Variants in COL25A1 observed in about 807,000 individuals in gnomAD.
The protein encoded by COL25A1 is collagen type XXV alpha 1 chain.
COL25A1 carries 103 observed loss-of-function variants against 128.4 expected under a neutral mutation model. The ratio of observed to expected loss-of-function variants is 0.80; its 90% CI spans 0.68 to 0.94. The LOEUF (loss-of-function observed/expected upper bound fraction) is 0.94. Among genes scored for constraint, COL25A1 ranks in the 40% least tolerant of loss-of-function variants. COL25A1 has a pLI of 0.00. For missense variants in COL25A1, 745 were observed against 840.0 expected (o/e 0.89, Z 1.40); for synonymous variants, 279 against 277.2 (o/e 1.01, Z -0.06).
intron 3 of COL25A1, among the ~76,000 whole-genome samples, chr4:109,234,944 G>A (rs942043148): frequency 4.6e-5 from 7 of 151,894 alleles, no homozygotes; most frequent in Non-Finnish European, 7.4e-5. Flanking sequence ...TGTATTGTAC[G>A]CAAATCTGTG....
At chr4:109,212,445 A>T (rs1003942333) in intron 3 of COL25A1, among the ~76,000 whole-genome samples, 1 of 152,190 alleles carries the variant, frequency 6.6e-6, no homozygotes, top group African/African-American at 2.4e-5. Context: ...TCCAAGAGCA[A>T]GCATTCTAAA....
chr4:109,045,809 T>C (rs1760375348), intron 5 of COL25A1, among the ~76,000 whole-genome samples: 1 of 152,224 alleles, frequency 6.6e-6, no homozygotes, highest in Non-Finnish European at 1.5e-5. Context: ...TTATACTTTA[T>C]TTCTTGGATT....
At chr4:109,056,498 A>C (rs2125954490) in intron 3 of COL25A1, among the ~76,000 whole-genome samples, 1 of 152,298 alleles carries the variant, frequency 6.6e-6, no homozygotes, top group Non-Finnish European at 1.5e-5. Flanking sequence ...CCTTTCACAA[A>C]TATGCTTATT....
At chr4:109,202,361 G>C (rs2126183110) in intron 3 of COL25A1, among the ~76,000 whole-genome samples, 1 of 151,306 alleles carries the variant, frequency 6.6e-6, no homozygotes, top group South Asian at 2.1e-4. Flanking sequence ...AATGGAGAAT[G>C]TTTTTTCAAC....
intron 21 of COL25A1, 54 bp from the exon 22 acceptor site, chr4:108,862,599 ACAG>A (rs146165021): frequency 0.12 from 170,336 of 1,465,714 alleles, 10,944 homozygotes; most frequent in Non-Finnish European, 0.13. Flanking sequence ...AGAGATAAGA[ACAG>A]AAAAATAGAA....
chr4:108,863,343 C>T lies in COL25A1; in HGVS notation c.1128G>A (p.Gly376=). ...CCTTTGGTCCGGGGGCTCCAGGTTCCCCTCGCTCACCTCTTCCAGGAGGCC... is the reference window on the plus strand; with the variant it reads ...CCTTTGGTCCGGGGGCTCCAGGTTCTCCTCGCTCACCTCTTCCAGGAGGCC... ...EAGPPGRGER[G]EPGAPGPKGK... is the part of the protein sequence containing the mutation. Residue 376 remains glycine, a synonymous_variant, in exon 21 of 38, where the codon GGG becomes GGA. Coordinates refer to ENST00000399132, the MANE Select transcript of COL25A1 (RefSeq NM_198721.4). The T allele has an allele frequency of 6.2e-7, 1 of 1,613,650 alleles. No individual in the cohort carries two copies. Among genetic ancestry groups the T allele is most frequent in the South Asian group, 1.1e-5 (1 of 90,978 alleles).
intron 3 of COL25A1, among the ~76,000 whole-genome samples, chr4:109,218,280 T>C (rs1046575694): frequency 6.6e-6 from 1 of 151,274 alleles, no homozygotes; most frequent in Admixed American, 6.6e-5. Context: ...TTAGGAGACA[T>C]GACTTATTAA....
At chr4:109,083,549 G>A (rs4440303) in intron 3 of COL25A1, among the ~76,000 whole-genome samples, 70,906 of 139,956 alleles carry the variant, frequency 0.51, 20,118 homozygotes, top group Non-Finnish European at 0.67. Context: ...TGCAAGCTCC[G>A]CCTCCCGGGT....
chr4:109,021,548 CA>C (rs2125901069), intron 5 of COL25A1, among the ~76,000 whole-genome samples: 1 of 152,050 alleles, frequency 6.6e-6, no homozygotes, highest in Non-Finnish European at 1.5e-5. Flanking sequence ...TGTGTTTGAA[CA>C]ATATGAAATC....
chr4:108,830,530 G>A (rs544469506), intron 32 of COL25A1, among the ~76,000 whole-genome samples: 20 of 152,328 alleles, frequency 1.3e-4, no homozygotes, highest in African/African-American at 4.6e-4. Context: ...TCACACTCCA[G>A]TTTAGCACTT....
At chr4:108,858,773 A>C (rs563557524) in intron 24 of COL25A1, among the ~76,000 whole-genome samples, 1 of 152,288 alleles carries the variant, frequency 6.6e-6, no homozygotes, top group Non-Finnish European at 1.5e-5. Context: ...GAATAGACAG[A>C]CAAATTAGAA....
At chr4:109,275,269 A>G (rs1722714153) in intron 3 of COL25A1, among the ~76,000 whole-genome samples, 1 of 152,146 alleles carries the variant, frequency 6.6e-6, no homozygotes, top group Non-Finnish European at 1.5e-5. Context: ...AGAGAAAACC[A>G]TCTGTCCTTT....
At chr4:109,000,859 G>A (rs1037392134) in intron 6 of COL25A1, among the ~76,000 whole-genome samples, 4 of 139,420 alleles carry the variant, frequency 2.9e-5, no homozygotes, top group Non-Finnish European at 4.9e-5. Flanking sequence ...CTTAATAGAA[G>A]AAGCAGCATT....
chr4:109,280,793 G>A lies in COL25A1; in HGVS notation c.367+19790C>T, dbSNP rs57387461. ...TCAGCCTCCCAAGTACTACAGGCAAGCACCACCACACCCGACTAATTTTTT... is the reference window on the plus strand; with the variant it reads ...TCAGCCTCCCAAGTACTACAGGCAAACACCACCACACCCGACTAATTTTTT... On this transcript the variant is annotated intron_variant, in intron 3 of 37. Transcript: ENST00000399132. Among the ~76,000 whole-genome samples, 1,123 of 151,830 alleles carry A rather than the reference G, an allele frequency of 7.4e-3. 28 individuals carry two copies. Among genetic ancestry groups the A allele is most frequent in the African/African-American group, 0.025 (1,042 of 41,414 alleles).
rs13353714 is a variant in COL25A1, at chr4:108,852,883, A to G, written c.1344+19T>C. On this transcript the variant is annotated intron_variant, in intron 25 of 37. Coordinates refer to ENST00000399132, the MANE Select transcript of COL25A1 (RefSeq NM_198721.4). ...AAATACAAAACCACAAACCACAGAA[A>G]GCATGCAATAGGAGTTACCGTGACA... 3.7e-4 allele frequency: 591 copies of G among 1,605,764 alleles called. No homozygotes were observed. The African/African-American group carries it at 7.0e-3, about 19-fold the overall frequency.
At chr4:108,839,895 G>C (rs962112980) in intron 31 of COL25A1, among the ~76,000 whole-genome samples, 4 of 152,042 alleles carry the variant, frequency 2.6e-5, no homozygotes, top group African/African-American at 9.7e-5. Flanking sequence ...AAATATCTTG[G>C]TGGCATTATC....
chr4:108,948,716 C>T (rs1291898216), intron 8 of COL25A1, among the ~76,000 whole-genome samples: 1 of 151,886 alleles, frequency 6.6e-6, no homozygotes, highest in Non-Finnish European at 1.5e-5. Flanking sequence ...TTTTATATGT[C>T]GATGATAAGT....
intron 11 of COL25A1, among the ~76,000 whole-genome samples, chr4:108,927,669 T>C (rs1177865872): frequency 6.6e-6 from 1 of 152,208 alleles, no homozygotes; most frequent in Non-Finnish European, 1.5e-5. Flanking sequence ...GCAGTAATTA[T>C]TTTTTAAAAG....
intron 13 of COL25A1, among the ~76,000 whole-genome samples, chr4:108,914,240 A>G (rs1052047473): frequency 2.8e-4 from 42 of 152,188 alleles, no homozygotes; most frequent in Middle Eastern, 6.3e-3. Context: ...GTGTACTCAT[A>G]GTATCTCTGA....
Sources: allele counts gnomAD v4.1 joint callset (sites outside exome capture counted in the v4.1 genomes callset), GRCh38; gene constraint gnomAD v4.1.1; transcripts MANE v1.5; gene names NCBI Gene and HGNC (gene_info 2026-07-23, HGNC 2026-07-21).